Variants in ST3GAL1 observed in about 807,000 individuals in gnomAD.
ST3GAL1 encodes ST3 beta-galactoside alpha-2,3-sialyltransferase 1.
ST3GAL1 carries 16 observed loss-of-function variants against 34.1 expected under a neutral mutation model. The ratio of observed to expected loss-of-function variants is 0.47; its 90% CI spans 0.32 to 0.71. ST3GAL1 has a LOEUF of 0.71. Among genes scored for constraint, ST3GAL1 ranks in the 30% least tolerant of loss-of-function variants. The pLI, the probability that ST3GAL1 is intolerant of heterozygous loss-of-function variation, is 0.04. For missense variants in ST3GAL1, 353 were observed against 447.4 expected (o/e 0.79, Z 1.90); for synonymous variants, 191 against 184.7 (o/e 1.03, Z -0.28).
In ST3GAL1 at chr8:133,538,336, G is replaced by A. The variant is rs927504956; in HGVS notation, c.-429+7438C>T. On this transcript the variant is annotated intron_variant, in intron 2 of 9. Coordinates refer to ENST00000522652, the MANE Select transcript of ST3GAL1 (RefSeq NM_173344.3). ...TCGAGATCGGCCTGGCCAACATGGC[G>A]AAACCCCATCTCTACTACAAATATA... Among the ~76,000 whole-genome samples, 22 of 152,152 alleles carry A rather than the reference G, an allele frequency of 1.4e-4. No individual in the cohort carries two copies. In the East Asian group the frequency reaches 1.7e-3, roughly 12 times the overall value.
At chr8:133,460,987 G>A (rs1172744258) in intron 9 of ST3GAL1, among the ~76,000 whole-genome samples, 5 of 152,168 alleles carry the variant, frequency 3.3e-5, no homozygotes, top group Non-Finnish European at 7.3e-5. Flanking sequence ...GGGCAAGAAC[G>A]TTAGGGCCAA....
intron 3 of ST3GAL1, among the ~76,000 whole-genome samples, chr8:133,494,181 C>T (rs942706400): frequency 1.3e-5 from 2 of 152,174 alleles, no homozygotes; most frequent in African/African-American, 4.8e-5. Flanking sequence ...ATTTACAAGA[C>T]CCCACAATAT....
intron 1 of ST3GAL1, among the ~76,000 whole-genome samples, chr8:133,548,669 C>T (rs1818740651): frequency 6.6e-6 from 1 of 152,186 alleles, no homozygotes; most frequent in Non-Finnish European, 1.5e-5. Flanking sequence ...TAGGGCCTTA[C>T]CTGGGAGCAC....
chr8:133,480,535 C>T (rs1816341755), intron 3 of ST3GAL1, among the ~76,000 whole-genome samples: 1 of 152,180 alleles, frequency 6.6e-6, no homozygotes, highest in African/African-American at 2.4e-5. Context: ...ACTGTGCAGG[C>T]TGTTGGCAAA....
At chr8:133,534,889 C>A (rs1344486404) in intron 2 of ST3GAL1, among the ~76,000 whole-genome samples, 1 of 152,210 alleles carries the variant, frequency 6.6e-6, no homozygotes, top group South Asian at 2.1e-4. Context: ...ACAGGGTGCT[C>A]TGTGAGTCCA....
intron 1 of ST3GAL1, among the ~76,000 whole-genome samples, chr8:133,557,006 C>T (rs758032211): frequency 7.2e-5 from 11 of 152,090 alleles, no homozygotes; most frequent in South Asian, 2.1e-4. Flanking sequence ...TATGTGACAA[C>T]CCCCCAACCT....
intron 1 of ST3GAL1, among the ~76,000 whole-genome samples, chr8:133,551,031 C>T (rs1290634926): frequency 6.6e-6 from 1 of 152,172 alleles, no homozygotes; most frequent in Admixed American, 6.5e-5. Flanking sequence ...ATAACTGTTA[C>T]CACTGGGTCT....
At chr8:133,483,483 T>C (rs1023599608) in intron 3 of ST3GAL1, among the ~76,000 whole-genome samples, 6 of 152,126 alleles carry the variant, frequency 3.9e-5, no homozygotes, top group African/African-American at 1.4e-4. Context: ...AGCTTCAAGG[T>C]CCTCATTTGT....
intron 2 of ST3GAL1, among the ~76,000 whole-genome samples, chr8:133,519,583 AG>A (rs1277980823): frequency 3.3e-5 from 5 of 152,258 alleles, no homozygotes; most frequent in Non-Finnish European, 4.4e-5. Flanking sequence ...GGATGACAGT[AG>A]TCACCTTATC....
At chr8:133,527,076 T>C (rs1817998568) in intron 2 of ST3GAL1, among the ~76,000 whole-genome samples, 1 of 152,164 alleles carries the variant, frequency 6.6e-6, no homozygotes, top group African/African-American at 2.4e-5. Flanking sequence ...CACCCATCCA[T>C]GCTAACTAAG....
chr8:133,474,852 T>G (rs1816107920), intron 5 of ST3GAL1, among the ~76,000 whole-genome samples: 1 of 152,180 alleles, frequency 6.6e-6, no homozygotes, highest in Non-Finnish European at 1.5e-5. Flanking sequence ...GGATCTGTCT[T>G]CAAAGCACTT....
chr8:133,521,186 T>G (rs1817798218), intron 2 of ST3GAL1, among the ~76,000 whole-genome samples: 1 of 120,280 alleles, frequency 8.3e-6, no homozygotes. Context: ...CAGGCTAGAG[T>G]GCAGTGGTGC....
chr8:133,569,672 G>C (rs1380684471), intron 1 of ST3GAL1, among the ~76,000 whole-genome samples: 2 of 152,212 alleles, frequency 1.3e-5, no homozygotes, highest in Non-Finnish European at 2.9e-5. Flanking sequence ...CAGCCGGCAG[G>C]GGTCCTAATG....
In ST3GAL1 at chr8:133,461,388, G is replaced by A. The variant is rs555870501; in HGVS notation, c.849+487C>T. Among the ~76,000 whole-genome samples, 6 of 152,280 alleles carry A rather than the reference G, an allele frequency of 3.9e-5. No individual in the cohort carries two copies. The highest frequency in any genetic ancestry group is 1.4e-4 in the African/African-American group (6 of 41,572). ...TAGCGGACAGCGAAGGACATGGGAA[G>A]GCAAATGCATGCTTCTCGAGATCAC... On this transcript the variant is annotated intron_variant, in intron 9 of 9. Coordinates refer to ENST00000522652, the MANE Select transcript of ST3GAL1 (RefSeq NM_173344.3). The surrounding 1 kb of genome is among the most constrained non-coding windows in gnomAD (Gnocchi z 4.7).
chr8:133,568,816 G>C (rs144752208), intron 1 of ST3GAL1, among the ~76,000 whole-genome samples: 2 of 151,996 alleles, frequency 1.3e-5, no homozygotes, highest in African/African-American at 4.8e-5. Context: ...CTGCTTGGTG[G>C]GGAGGGGAGA....
chr8:133,479,684 C>T (rs1239565042), intron 3 of ST3GAL1, among the ~76,000 whole-genome samples: 3 of 152,086 alleles, frequency 2.0e-5, no homozygotes, highest in South Asian at 2.1e-4. Context: ...CTAGGGATGG[C>T]GTGAGAGGCA....
intron 1 of ST3GAL1, among the ~76,000 whole-genome samples, chr8:133,569,722 A>AC (rs1329653976): frequency 6.6e-6 from 1 of 151,896 alleles, no homozygotes; most frequent in Non-Finnish European, 1.5e-5. Context: ...GCACTGAGGG[A>AC]CCCCCGCACT....
intron 3 of ST3GAL1, among the ~76,000 whole-genome samples, chr8:133,491,854 T>A (rs545465488): frequency 6.6e-6 from 1 of 152,088 alleles, no homozygotes. Flanking sequence ...TAAACTGCCC[T>A]GGCCCAGGCT....
chr8:133,500,406 T>C (rs943620608), intron 2 of ST3GAL1, among the ~76,000 whole-genome samples: 38 of 152,204 alleles, frequency 2.5e-4, no homozygotes, highest in African/African-American at 8.7e-4. Context: ...GGGACATTTT[T>C]AGTATAATTA....
Sources: allele counts gnomAD v4.1 joint callset (sites outside exome capture counted in the v4.1 genomes callset), GRCh38; gene constraint gnomAD v4.1.1; non-coding constraint Gnocchi (gnomAD v3.1); transcripts MANE v1.5; gene names NCBI Gene and HGNC (gene_info 2026-07-23, HGNC 2026-07-21).